TOX: variants seen among roughly 807,000 people sequenced by gnomAD.
The protein encoded by TOX is thymocyte selection associated high mobility group box.
In TOX, 11 loss-of-function variants were observed where a neutral mutation model predicts 53.7. The ratio of observed to expected loss-of-function variants is 0.20; its 90% CI spans 0.13 to 0.34. The LOEUF is 0.34. Among genes scored for constraint, TOX ranks in the 10% least tolerant of loss-of-function variants. The pLI, the probability that TOX is intolerant of heterozygous loss-of-function variation, is 1.00. For synonymous variants in TOX, 225 were observed against 245.3 expected, an observed-to-expected ratio of 0.92 and a Z score of 0.77; for missense variants, 570 against 664.6, an observed-to-expected ratio of 0.86 and a Z score of 1.56.
intron 5 of TOX, among the ~76,000 whole-genome samples, chr8:58,829,696 C>T (rs1390909691): frequency 9.9e-5 from 15 of 152,046 alleles, no homozygotes; most frequent in Admixed American, 9.8e-4. Flanking sequence ...TCTGATGTTA[C>T]CTTCTAAAAT....
intron 1 of TOX, among the ~76,000 whole-genome samples, chr8:59,064,648 A>G (rs1804055086): frequency 6.6e-6 from 1 of 152,192 alleles, no homozygotes; most frequent in African/African-American, 2.4e-5. Context: ...ACATGAAATC[A>G]CAAGTAAATA....
At chr8:58,939,650 T>C (rs1585913119) in intron 2 of TOX, 106 bp from the exon 3 acceptor site, 1 of 1,454,104 alleles carries the variant, frequency 6.9e-7, no homozygotes, top group Non-Finnish European at 9.2e-7. Flanking sequence ...AGCATATGGA[T>C]TTGGCAAAGA....
intron 3 of TOX, among the ~76,000 whole-genome samples, chr8:58,893,213 C>CA (rs1554527821): frequency 6.6e-6 from 1 of 151,828 alleles, no homozygotes; most frequent in East Asian, 1.9e-4. Context: ...CATAATCTCC[C>CA]CCCCACAAAA....
At chr8:59,000,458 ATTAG>A (rs1813670301) in intron 1 of TOX, among the ~76,000 whole-genome samples, 2 of 152,190 alleles carry the variant, frequency 1.3e-5, no homozygotes, top group Non-Finnish European at 2.9e-5. Flanking sequence ...GAAAAATGCA[ATTAG>A]TTATTGTCCT....
intron 5 of TOX, among the ~76,000 whole-genome samples, chr8:58,834,730 C>A (rs1810519552): frequency 6.6e-6 from 1 of 152,186 alleles, no homozygotes; most frequent in South Asian, 2.1e-4. Context: ...GCAATGTGCT[C>A]CCTTTTGTAA....
intron 6 of TOX, among the ~76,000 whole-genome samples, chr8:58,817,900 A>G (rs1810208243): frequency 6.6e-6 from 1 of 152,188 alleles, no homozygotes; most frequent in African/African-American, 2.4e-5. Flanking sequence ...ACATATTACT[A>G]GATAATGAGG....
At chr8:59,027,515 C>T (rs562517448) in intron 1 of TOX, among the ~76,000 whole-genome samples, 1 of 151,794 alleles carries the variant, frequency 6.6e-6, no homozygotes, top group African/African-American at 2.4e-5. Context: ...TTTTTAAAAC[C>T]AGTCTTTCTG....
chr8:58,900,208 C>G (rs536033158), intron 3 of TOX, among the ~76,000 whole-genome samples: 71 of 151,928 alleles, frequency 4.7e-4, no homozygotes, highest in Admixed American at 7.2e-4. Context: ...AACAGTGGCC[C>G]AACATAACTA....
chr8:59,004,338 A>T (rs371930348), intron 1 of TOX, among the ~76,000 whole-genome samples: 12 of 152,240 alleles, frequency 7.9e-5, no homozygotes, highest in African/African-American at 2.9e-4. Flanking sequence ...GTTTGACTCC[A>T]GTCAGTAGCA....
chr8:58,868,859 G>T (rs1173686408), intron 3 of TOX, among the ~76,000 whole-genome samples: 1 of 127,590 alleles, frequency 7.8e-6, no homozygotes, highest in Non-Finnish European at 1.7e-5. Flanking sequence ...AACAGGAAAA[G>T]AACAGGAAAA....
chr8:59,046,842 G>A (rs1304894275), intron 1 of TOX, among the ~76,000 whole-genome samples: 3 of 107,340 alleles, frequency 2.8e-5, no homozygotes, highest in Admixed American at 1.5e-4. Context: ...CTGGGAGACA[G>A]AGTGAGACTA....
intron 3 of TOX, among the ~76,000 whole-genome samples, chr8:58,878,862 A>G (rs1585875849): frequency 6.6e-6 from 1 of 152,020 alleles, no homozygotes. Flanking sequence ...GGAGTTCGAG[A>G]CCAGCCCAGC....
chr8:58,928,440 T>A (rs1417657746), intron 3 of TOX, among the ~76,000 whole-genome samples: 1 of 152,206 alleles, frequency 6.6e-6, no homozygotes, highest in Non-Finnish European at 1.5e-5. Context: ...TGCAGCTACC[T>A]TTTAATACTA....
chr8:59,091,867 G>A (rs1017498008), intron 1 of TOX, among the ~76,000 whole-genome samples: 16 of 152,148 alleles, frequency 1.1e-4, no homozygotes, highest in African/African-American at 3.9e-4. Context: ...TAGATCAATG[G>A]TTTTCAAACT....
chr8:59,044,731 T>G (rs1279237451), intron 1 of TOX, among the ~76,000 whole-genome samples: 2 of 152,206 alleles, frequency 1.3e-5, no homozygotes, highest in Non-Finnish European at 2.9e-5. Context: ...CATTTCCTCT[T>G]CACACCTGCG....
At chr8:59,034,977 G>A (rs1251444656) in intron 1 of TOX, among the ~76,000 whole-genome samples, 1 of 152,140 alleles carries the variant, frequency 6.6e-6, no homozygotes, top group Admixed American at 6.5e-5. Flanking sequence ...GGTGGAAAGA[G>A]GGGAAGAGCA....
At chr8:59,115,566 T>C (rs1378424051) in intron 1 of TOX, among the ~76,000 whole-genome samples, 1 of 152,180 alleles carries the variant, frequency 6.6e-6, no homozygotes, top group African/African-American at 2.4e-5. Flanking sequence ...CAATGTTACT[T>C]AAAATAGTCT....
chr8:59,024,827 A>T (rs1354461822), intron 1 of TOX, among the ~76,000 whole-genome samples: 3 of 152,214 alleles, frequency 2.0e-5, no homozygotes, highest in African/African-American at 7.2e-5. Context: ...GTGACAACAT[A>T]GCCAAGATTC....
chr8:59,068,502 CG>C (rs386725942), intron 1 of TOX, among the ~76,000 whole-genome samples: 2,052 of 149,516 alleles, frequency 0.014, 36 homozygotes, highest in African/African-American at 0.048. Context: ...CAGAATAAGG[CG>C]GAAAAAAGTA....
Sources: gnomAD v4.1 joint callset for allele counts (sites outside exome capture counted in the v4.1 genomes callset) on GRCh38, gnomAD v4.1.1 for gene constraint, MANE v1.5 for transcripts, NCBI Gene and HGNC (gene_info 2026-07-23, HGNC 2026-07-21) for gene names.